The following AFAP1L2 variants were observed in gnomAD, a reference collection of about 807,000 sequenced individuals.
The protein encoded by AFAP1L2 is actin filament-associated protein 1-like 2.
In AFAP1L2, 46 loss-of-function variants were observed where a neutral mutation model predicts 99.3. The ratio of observed to expected loss-of-function variants is 0.46; its 90% CI spans 0.37 to 0.59. AFAP1L2 has a LOEUF of 0.59. Ranked by LOEUF, AFAP1L2 falls within the 20% of genes least tolerant of loss-of-function variation. The pLI is 0.00. For synonymous variants in AFAP1L2, 397 were observed against 419.1 expected (o/e 0.95, Z 0.64); for missense variants, 959 against 1,034.9 (o/e 0.93, Z 1.01).
At chr10:114,286,049 G>A in the AFAP1L2 span, 1 of 1,614,198 alleles carries the variant, frequency 6.2e-7, no homozygotes, top group South Asian at 1.1e-5. Context: ...GAAGCGGTTT[G>A]TGCGGGCCGT....
chr10:114,352,479 T>TA (rs766929781), intron 1 of AFAP1L2, among the ~76,000 whole-genome samples: 5 of 71,390 alleles, frequency 7.0e-5, no homozygotes, highest in Admixed American at 2.3e-4. Context: ...GTCTCCAAAT[T>TA]AAAAAAAAAA....
Position 114,362,934 on chromosome 10 carries a change from T to C in AFAP1L2, c.17-22203A>G, listed in dbSNP as rs375198933. ...CCTCCATCTGTGCCATAGATAATTA[T>C]GAATAACACTCACGAAAAGCTGACG... On this transcript the variant is annotated intron_variant, in intron 1 of 18. Transcript: ENST00000304129. The C allele has an allele frequency of 2.8e-5, 28 of 983,900 alleles. 1 individual carries two copies. The East Asian group carries it at 1.1e-3, about 40-fold the overall frequency. The allele number at this position is 983,900 out of a possible 1,614,324, so 60.9% of individuals were successfully genotyped here.
chr10:114,300,064 T>C, intron 15 of AFAP1L2, 130 bp downstream of exon 15: 1 of 1,311,742 alleles, frequency 7.6e-7, no homozygotes, highest in Non-Finnish European at 1.0e-6. Context: ...GACTTGACCT[T>C]GTGATCGTGT....
chr10:114,282,659 AGGGT>A, the AFAP1L2 span: 5 of 1,211,892 alleles, frequency 4.1e-6, no homozygotes, highest in Non-Finnish European at 6.1e-6. Context: ...CCTGGGACAG[AGGGT>A]GGGGTTGTGA....
chr10:114,373,283 G>C (rs1361236933), intron 1 of AFAP1L2, among the ~76,000 whole-genome samples: 1 of 151,934 alleles, frequency 6.6e-6, no homozygotes, highest in Non-Finnish European at 1.5e-5. Context: ...TGCAAAATTT[G>C]CATTACAGGA....
At chr10:114,303,743 G>A (rs1437994628) in intron 11 of AFAP1L2, among the ~76,000 whole-genome samples, 1 of 152,120 alleles carries the variant, frequency 6.6e-6, no homozygotes, top group Non-Finnish European at 1.5e-5. Context: ...TCCCACCCCA[G>A]TAGCTGGAGG....
chr10:114,404,746 C>T (rs2058566911), upstream of AFAP1L2: 1 of 324,722 alleles, frequency 3.1e-6, no homozygotes, highest in South Asian at 1.4e-4. Flanking sequence ...CGCCCCCGGC[C>T]GCCTTGGCAC....
intron 13 of AFAP1L2, 119 bp from the exon 14 acceptor site, chr10:114,300,809 C>T: frequency 3.6e-6 from 5 of 1,390,582 alleles, no homozygotes; most frequent in Non-Finnish European, 1.9e-6. Context: ...AAGAGATCTC[C>T]CTCCCTGCTG....
rs148943268 is a variant in AFAP1L2 at position 114,403,585 on chromosome 10, A to T, written c.16+855T>A. Among the ~76,000 whole-genome samples the T allele has an allele frequency of 7.7e-4, 117 of 152,268 alleles. 1 individual carries two copies. The East Asian group carries it at 0.022, about 28-fold the overall frequency. On this transcript the variant is annotated intron_variant, in intron 1 of 18. Transcript: ENST00000304129. ...GGATGGGGGAGGGGGGAGCGCCCGC[A>T]GGGTTCCTCTTAAGGGGCAACTCCC...
intron 1 of AFAP1L2, among the ~76,000 whole-genome samples, chr10:114,353,238 C>T (rs933269737): frequency 6.6e-6 from 1 of 152,182 alleles, no homozygotes; most frequent in Non-Finnish European, 1.5e-5. Flanking sequence ...GTGGCCATCT[C>T]CAGAAACAGT....
At chr10:114,404,929 G>C (rs1355551014), upstream of AFAP1L2, among the ~76,000 whole-genome samples, 7 of 152,190 alleles carry the variant, frequency 4.6e-5, no homozygotes, top group Non-Finnish European at 5.9e-5. Context: ...CAAGCTAGGA[G>C]GTTGAGACTG....
chr10:114,404,581 G>C (rs2058554498), upstream of AFAP1L2: 4 of 1,320,000 alleles, frequency 3.0e-6, no homozygotes, highest in Non-Finnish European at 3.9e-6. Context: ...ACCTCCTGGC[G>C]GGGCCGCCGC....
Position 114,295,998 on chromosome 10 carries a change from C to A in AFAP1L2, c.*44G>T. On this transcript the variant is annotated 3_prime_UTR_variant, in exon 19 of 19. Coordinates refer to ENST00000304129, the MANE Select transcript of AFAP1L2 (RefSeq NM_001001936.3). ...TGCTTTAACAAAGCAGGATTGTCAC[C>A]AAGGTCCACATTGACATGAGAGTCT... 1 of 1,614,026 alleles carries A rather than the reference C, an allele frequency of 6.2e-7. No homozygotes were observed. The highest frequency in any genetic ancestry group is 2.2e-5 in the East Asian group (1 of 44,872).
chr10:114,313,901 C>T lies in AFAP1L2; in HGVS notation c.762G>A (p.Gln254=). 1 of 1,613,452 alleles carries T rather than the reference C, an allele frequency of 6.2e-7. No homozygotes were observed. Among genetic ancestry groups the T allele is most frequent in the Non-Finnish European group, 8.5e-7 (1 of 1,179,714 alleles). ...GCCACTGCTCAGCCTGGTCCTTGCT[C>T]TGCAGGCCCAGCACAATCACATCGG... is the stretch of plus-strand genomic sequence containing the variant. ...MNADVIVLGL[Q]SKDQAEQWLR... The change falls in exon 7 of 19, where the codon CAG becomes CAA. Residue 254 remains glutamine, a synonymous_variant. Transcript: ENST00000304129.
chr10:114,375,615 T>C (rs1320290158), intron 1 of AFAP1L2, among the ~76,000 whole-genome samples: 5 of 152,178 alleles, frequency 3.3e-5, no homozygotes, highest in African/African-American at 1.2e-4. Context: ...TGTTTATTCA[T>C]AAAAATCATT....
intron 5 of AFAP1L2, chr10:114,319,723 G>A (rs1332454291): frequency 9.2e-7 from 1 of 1,081,556 alleles, no homozygotes; most frequent in Non-Finnish European, 1.2e-6. Context: ...CAAGTGCAGA[G>A]ACACAAAGAG....
intron 1 of AFAP1L2, among the ~76,000 whole-genome samples, chr10:114,365,966 C>A (rs887121065): frequency 4.6e-5 from 7 of 151,962 alleles, no homozygotes; most frequent in African/African-American, 1.7e-4. Context: ...AAACTCCAGG[C>A]CTCAAGTGAT....
intron 1 of AFAP1L2, among the ~76,000 whole-genome samples, chr10:114,373,451 C>G (rs763834660): frequency 1.3e-5 from 2 of 152,004 alleles, no homozygotes; most frequent in Non-Finnish European, 2.9e-5. Context: ...AAGGCGAAAC[C>G]CTGTCTCTAC....
chr10:114,309,864 G>A (rs1460378415), intron 8 of AFAP1L2, among the ~76,000 whole-genome samples: 3 of 152,054 alleles, frequency 2.0e-5, no homozygotes, highest in East Asian at 1.9e-4. Flanking sequence ...GTCTGTATCC[G>A]TTTCCTCCAT....
Sources: allele counts gnomAD v4.1 joint callset (sites outside exome capture counted in the v4.1 genomes callset), GRCh38; gene constraint gnomAD v4.1.1; transcripts MANE v1.5; gene names NCBI Gene and HGNC (gene_info 2026-07-23, HGNC 2026-07-21).